Variants in DZANK1 observed in about 807,000 individuals in gnomAD.
DZANK1 encodes double zinc ribbon and ankyrin repeat-containing protein 1.
Under a neutral mutation model 94.5 loss-of-function variants are expected in DZANK1, and 91 were observed. That is an observed-to-expected ratio of 0.96 (90% confidence interval 0.81 to 1.15). The LOEUF (loss-of-function observed/expected upper bound fraction) is 1.15, where lower values mean the gene tolerates loss of function less well. DZANK1 is among the 50% of genes most tolerant of loss of function. The pLI is 0.00. For missense variants in DZANK1, 903 were observed against 916.4 expected (o/e 0.99, Z 0.19); for synonymous variants, 312 against 325.3 (o/e 0.96, Z 0.44).
chr20:18,426,992 A>G (rs1406521781), intron 10 of DZANK1, 75 bp downstream of exon 10: 1 of 1,138,882 alleles, frequency 8.8e-7, no homozygotes, highest in Non-Finnish European at 1.2e-6. Flanking sequence ...CCCTCGGCAG[A>G]TTCTGTTTCT....
At chr20:18,393,589 A>G in intron 17 of DZANK1, 122 bp downstream of exon 17, 1 of 639,920 alleles carries the variant, frequency 1.6e-6, no homozygotes, top group Non-Finnish European at 2.7e-6. Context: ...ATGCCATGAG[A>G]AACCTCATAA....
chr20:18,397,723 T>C (rs996907878), intron 14 of DZANK1, among the ~76,000 whole-genome samples: 3 of 152,142 alleles, frequency 2.0e-5, no homozygotes, highest in Non-Finnish European at 4.4e-5. Context: ...TGGTTGGATG[T>C]CTGGGGGCGG....
At chr20:18,462,256 T>C (rs2059497115) in intron 2 of DZANK1, among the ~76,000 whole-genome samples, 1 of 151,958 alleles carries the variant, frequency 6.6e-6, no homozygotes, top group African/African-American at 2.4e-5. Context: ...CTCATGGAGA[T>C]TATGTTTTAG....
chr20:18,386,075 G>A (rs1375088980), intron 19 of DZANK1, among the ~76,000 whole-genome samples: 1 of 152,194 alleles, frequency 6.6e-6, no homozygotes, highest in Admixed American at 6.5e-5. Context: ...CTCTGCCCCT[G>A]CTCCTTCCTT....
At position 18,433,728 on chromosome 20, in the gene DZANK1, A is replaced by C. The variant is rs375255125; in HGVS notation, c.785T>G (p.Met262Arg). 1.8e-4 allele frequency: 293 copies of C among 1,613,946 alleles called. No homozygotes were observed. The highest frequency in any genetic ancestry group is 2.5e-4 in the Non-Finnish European group (292 of 1,179,904). Residue 262 changes from methionine (M) to arginine (R), a missense_variant, in exon 9 of 21, where the codon ATG becomes AGG. By Grantham distance (91) the Met-to-Arg change is moderately conservative. Coordinates refer to ENST00000262547, the Ensembl canonical transcript of DZANK1. The stretch of plus-strand genomic sequence containing the variant: ...ACACACCACACAGATGGGAGTGTTC[A>C]TGGGTACCAAGCTTCTGCATTCTGC...
chr20:18,442,183 A>G (rs557333082), intron 8 of DZANK1, among the ~76,000 whole-genome samples: 6 of 152,384 alleles, frequency 3.9e-5, no homozygotes, highest in African/African-American at 1.4e-4. Flanking sequence ...TTTAAAGTTC[A>G]TAATGTTAAA....
At chr20:18,457,897 C>T (rs1299273671) in intron 3 of DZANK1, among the ~76,000 whole-genome samples, 1 of 152,154 alleles carries the variant, frequency 6.6e-6, no homozygotes, top group Non-Finnish European at 1.5e-5. Context: ...CATCCAGCAG[C>T]CTCTGCCACA....
chr20:18,466,564 C>T (rs1163327846), intron 1 of DZANK1, among the ~76,000 whole-genome samples: 1 of 152,128 alleles, frequency 6.6e-6, no homozygotes, highest in Non-Finnish European at 1.5e-5. Context: ...AGTCGCATTT[C>T]CATTTAAGTG....
Position 18,443,239 on chromosome 20 carries a change from C to T in DZANK1, c.747+108G>A. 3 of 794,600 alleles carry T rather than the reference C, an allele frequency of 3.8e-6. No homozygotes were observed. In the South Asian group the frequency reaches 4.7e-5, roughly 13 times the overall value. The allele number at this position is 794,600 out of a possible 1,614,324, so 49.2% of individuals were successfully genotyped here. ...AGAGTTCAATCAGCCAGTAATTCTT[C>T]AACAAGTATTTATATGTGCAGTTCA... On this transcript the variant is annotated intron_variant, in intron 8 of 20. Transcript: ENST00000262547.
intron 3 of DZANK1, 30 bp downstream of exon 3, chr20:18,460,123 A>G: frequency 7.3e-7 from 1 of 1,377,848 alleles, no homozygotes. Flanking sequence ...TATATCATAA[A>G]TTAAATTAAT....
chr20:18,398,374 C>A, intron 14 of DZANK1, 149 bp downstream of exon 14: 1 of 677,592 alleles, frequency 1.5e-6, no homozygotes, highest in Non-Finnish European at 2.6e-6. Flanking sequence ...TAGAGCAGAG[C>A]TCACAAGGCA....
At chr20:18,388,447 C>A (rs1400348822) in intron 19 of DZANK1, among the ~76,000 whole-genome samples, 1 of 152,222 alleles carries the variant, frequency 6.6e-6, no homozygotes, top group South Asian at 2.1e-4. Flanking sequence ...TAGCTGGACT[C>A]TTCATAAAGC....
At chr20:18,436,109 C>A (rs907408308) in intron 8 of DZANK1, among the ~76,000 whole-genome samples, 2 of 151,994 alleles carry the variant, frequency 1.3e-5, no homozygotes, top group Non-Finnish European at 2.9e-5. Context: ...ATTTAGTAGA[C>A]AAAGATTTCA....
intron 8 of DZANK1, among the ~76,000 whole-genome samples, chr20:18,438,255 A>G (rs1022343468): frequency 5.3e-5 from 8 of 150,024 alleles, no homozygotes; most frequent in Non-Finnish European, 8.9e-5. Context: ...AACACAAAAG[A>G]AAGCAGTAAA....
intron 10 of DZANK1, among the ~76,000 whole-genome samples, chr20:18,419,141 A>G (rs965115488): frequency 6.6e-6 from 1 of 152,058 alleles, no homozygotes; most frequent in Non-Finnish European, 1.5e-5. Flanking sequence ...GCACACCTGT[A>G]ATTCCAGCTA....
At chr20:18,465,835 T>C (rs1254900179) in intron 1 of DZANK1, among the ~76,000 whole-genome samples, 1 of 152,204 alleles carries the variant, frequency 6.6e-6, no homozygotes, top group Non-Finnish European at 1.5e-5. Context: ...CTAACTTTTT[T>C]GGGAAAGCTC....
intron 8 of DZANK1, among the ~76,000 whole-genome samples, chr20:18,439,811 C>A (rs2058664413): frequency 6.6e-6 from 1 of 152,140 alleles, no homozygotes; most frequent in African/African-American, 2.4e-5. Flanking sequence ...CAGGTATCAA[C>A]CCCACTCCAA....
chr20:18,428,281 C>T (rs994747315), intron 9 of DZANK1, among the ~76,000 whole-genome samples: 14 of 151,280 alleles, frequency 9.3e-5, no homozygotes, highest in African/African-American at 3.2e-4. Flanking sequence ...CTCTGCCTCC[C>T]GGGTTCAAGT....
intron 9 of DZANK1, among the ~76,000 whole-genome samples, chr20:18,431,063 A>G (rs1426137720): frequency 6.6e-6 from 1 of 152,154 alleles, no homozygotes; most frequent in Non-Finnish European, 1.5e-5. Context: ...GAGTGAAGAA[A>G]TTATACACTT....
Sources: allele counts gnomAD v4.1 joint callset (sites outside exome capture counted in the v4.1 genomes callset), GRCh38; gene constraint gnomAD v4.1.1; transcripts MANE v1.5; gene names NCBI Gene and HGNC (gene_info 2026-07-23, HGNC 2026-07-21).